Variants in PTPRN2 observed in about 807,000 individuals in gnomAD.
The protein encoded by PTPRN2 is receptor-type tyrosine-protein phosphatase N2.
Under a neutral mutation model 118.8 loss-of-function variants are expected in PTPRN2, and 74 were observed. The observed-to-expected ratio is 0.62, with a 90% CI of 0.52 to 0.76. The LOEUF (loss-of-function observed/expected upper bound fraction) is 0.76, where lower values mean the gene tolerates loss of function less well. PTPRN2 is among the 30% of genes least tolerant of loss of function. PTPRN2 has a pLI of 0.00. For synonymous variants in PTPRN2, 641 were observed against 608.0 expected (o/e 1.05, Z -0.80); for missense variants, 1,481 against 1,394.4 (o/e 1.06, Z -0.99).
At chr7:158,556,177 G>C (rs2129450522) in intron 1 of PTPRN2, among the ~76,000 whole-genome samples, 1 of 152,346 alleles carries the variant, frequency 6.6e-6, no homozygotes, top group South Asian at 2.1e-4. Context: ...GTGATTGATA[G>C]GTGGATATAG....
intron 11 of PTPRN2, among the ~76,000 whole-genome samples, chr7:158,067,809 GGCTGGGCCGTGGGCAGCACACTGGGTCAC>G (rs1810891587): frequency 2.0e-5 from 3 of 151,918 alleles, no homozygotes; most frequent in African/African-American, 7.3e-5. Context: ...GGTCGGGTCA[GGCTGGGCCGTGGGCAGCACACTGGGTCAC>G]GCTGGGCCAT....
intron 3 of PTPRN2, among the ~76,000 whole-genome samples, chr7:158,301,997 C>T (rs112640884): frequency 2.6e-5 from 4 of 152,286 alleles, no homozygotes; most frequent in African/African-American, 7.2e-5. Flanking sequence ...CTCCTCCAAT[C>T]TAGGAAGCTA....
At chr7:158,461,165 C>T (rs1818953818) in intron 2 of PTPRN2, among the ~76,000 whole-genome samples, 1 of 152,178 alleles carries the variant, frequency 6.6e-6, no homozygotes, top group African/African-American at 2.4e-5. Context: ...AATTCCCAGT[C>T]TTTCATTTTT....
chr7:157,778,826 A>G (rs1229886551), intron 12 of PTPRN2, among the ~76,000 whole-genome samples: 1 of 152,206 alleles, frequency 6.6e-6, no homozygotes, highest in African/African-American at 2.4e-5. Context: ...CCGAATGCCC[A>G]CATAAACATG....
chr7:158,426,113 T>G (rs368046405), intron 2 of PTPRN2, among the ~76,000 whole-genome samples: 6 of 622 alleles, frequency 9.6e-3, no homozygotes, highest in Non-Finnish European at 7.9e-3. Flanking sequence ...AAAGACGCGG[T>G]GTCCGAGACC....
intron 5 of PTPRN2, among the ~76,000 whole-genome samples, chr7:158,172,021 C>A (rs867294580): frequency 2.6e-5 from 4 of 152,150 alleles, no homozygotes; most frequent in African/African-American, 4.8e-5. Context: ...ATGAAGCATT[C>A]GAGAGCTTCT....
intron 13 of PTPRN2, among the ~76,000 whole-genome samples, chr7:157,681,356 T>G (rs1473478481): frequency 6.6e-6 from 1 of 152,240 alleles, no homozygotes; most frequent in Non-Finnish European, 1.5e-5. Flanking sequence ...AAATTCTTAC[T>G]AGTTTATGTG....
At chr7:158,273,579 G>A (rs1183262368) in intron 3 of PTPRN2, among the ~76,000 whole-genome samples, 1 of 110,592 alleles carries the variant, frequency 9.0e-6, no homozygotes. Context: ...CACAGGGGGA[G>A]CCGCAGACAG....
At chr7:158,162,748 G>A (rs956526593) in intron 6 of PTPRN2, among the ~76,000 whole-genome samples, 8 of 152,118 alleles carry the variant, frequency 5.3e-5, no homozygotes, top group Admixed American at 2.6e-4. Flanking sequence ...TTATGAATAA[G>A]TGAAGGAAGA....
Position 157,587,849 on chromosome 7 carries a change from C to T in PTPRN2, c.2496+7389G>A, listed in dbSNP as rs1800763285. The stretch of plus-strand genomic sequence containing the variant: ...AGCCAGTTCCCACGGTGGCTGTCCC[C>T]ATGCCTGGGCTCCCGTGGTGGCTCT... On this transcript the variant is annotated intron_variant, in intron 17 of 22. Coordinates refer to ENST00000389418, the MANE Select transcript of PTPRN2 (RefSeq NM_002847.5). This position sits in a 1 kb window ranked among gnomAD's most constrained non-coding sequence, Gnocchi z 5.3. Among the ~76,000 whole-genome samples, 1 of 152,098 alleles carries T rather than the reference C, an allele frequency of 6.6e-6. No homozygotes were observed. The highest frequency in any genetic ancestry group is 1.5e-5 in the Non-Finnish European group (1 of 68,000).
chr7:158,494,150 G>C (rs1235788662), intron 1 of PTPRN2, among the ~76,000 whole-genome samples: 1 of 152,250 alleles, frequency 6.6e-6, no homozygotes, highest in Non-Finnish European at 1.5e-5. Flanking sequence ...TGGAAATACA[G>C]TAAATGTGAA....
chr7:158,168,952 C>A (rs1318661713), intron 5 of PTPRN2, among the ~76,000 whole-genome samples: 3 of 152,218 alleles, frequency 2.0e-5, no homozygotes, highest in Non-Finnish European at 2.9e-5. Context: ...CCTGGACACA[C>A]AAGCTGAGCT....
At chr7:157,916,920 C>T (rs1291233485) in intron 11 of PTPRN2, among the ~76,000 whole-genome samples, 1 of 128,984 alleles carries the variant, frequency 7.8e-6, no homozygotes, top group African/African-American at 3.0e-5. Context: ...GCCACGCACC[C>T]CGGCCACTCC....
At chr7:158,193,544 GC>G (rs142163304) in intron 4 of PTPRN2, among the ~76,000 whole-genome samples, 1,565 of 152,224 alleles carry the variant, frequency 0.01, 59 homozygotes, top group East Asian at 0.086. Flanking sequence ...GATGTCCGTG[GC>G]CCCCTGAGCC....
chr7:157,662,954 C>T lies in PTPRN2; in HGVS notation c.2002-6403G>A, dbSNP rs575580314. ...ACGGCTCAGCCACGTTCACGCAGCA[C>T]GGTTCAGTCAGAAGTTCACACCTCA... On this transcript the variant is annotated intron_variant, in intron 13 of 22. Coordinates refer to ENST00000389418, the MANE Select transcript of PTPRN2 (RefSeq NM_002847.5). Among the ~76,000 whole-genome samples the T allele has an allele frequency of 5.9e-5, 9 of 152,260 alleles. No individual in the cohort carries two copies. The South Asian group carries it at 1.2e-3, about 21-fold the overall frequency.
chr7:158,257,753 G>A (rs534232105), intron 3 of PTPRN2, among the ~76,000 whole-genome samples: 10 of 152,234 alleles, frequency 6.6e-5, no homozygotes, highest in African/African-American at 2.4e-4. Flanking sequence ...GCCCCACGGC[G>A]CTGACCTGGA....
rs570964638 is a variant in PTPRN2, at chr7:157,914,665, G to A, written c.1724-15928C>T. ...TAGGCTTCTGGAATGCTTATGAACC[G>A]TGTGTAAGAGTCTTCTACTCTGCTG... On this transcript the variant is annotated intron_variant, in intron 11 of 22. Coordinates refer to ENST00000389418, the MANE Select transcript of PTPRN2 (RefSeq NM_002847.5). 2.8e-4 allele frequency among the ~76,000 whole-genome samples: 42 copies of A among 151,280 alleles called. 1 individual carries two copies. In the South Asian group the frequency reaches 6.7e-3, roughly 24 times the overall value.
At chr7:158,556,915 C>A (rs1361055307) in intron 1 of PTPRN2, among the ~76,000 whole-genome samples, 1 of 148,350 alleles carries the variant, frequency 6.7e-6, no homozygotes, top group Non-Finnish European at 1.5e-5. Context: ...CAGGTCGCTC[C>A]CACGCAGGTC....
rs1273850340 is a variant in PTPRN2, at chr7:157,627,977, C to T, written c.2197-6468G>A. On this transcript the variant is annotated intron_variant, in intron 14 of 22. Transcript: ENST00000389418. This position sits in a 1 kb window ranked among gnomAD's most constrained non-coding sequence, Gnocchi z 4.2. The stretch of plus-strand genomic sequence containing the variant: ...GAACTCAATCTAAGGTTTCCCCTGT[C>T]ATCCTTCTCCCGTTTCTGAATCCAT... Among the ~76,000 whole-genome samples the T allele has an allele frequency of 1.3e-5, 2 of 152,244 alleles. No homozygotes were observed. The highest frequency in any genetic ancestry group is 2.4e-5 in the African/African-American group (1 of 41,474).
Sources: allele counts gnomAD v4.1 joint callset (sites outside exome capture counted in the v4.1 genomes callset), GRCh38; gene constraint gnomAD v4.1.1; non-coding constraint Gnocchi (gnomAD v3.1); transcripts MANE v1.5; gene names NCBI Gene and HGNC (gene_info 2026-07-23, HGNC 2026-07-21).